The following TAOK3 variants were observed in gnomAD, a reference collection of about 807,000 sequenced individuals.
The protein encoded by TAOK3 is serine/threonine-protein kinase TAO3.
TAOK3 carries 40 observed loss-of-function variants against 120.4 expected under a neutral mutation model. The ratio of observed to expected loss-of-function variants is 0.33; its 90% CI spans 0.26 to 0.43. The LOEUF is 0.43. Ranked by LOEUF, TAOK3 falls within the 20% of genes least tolerant of loss-of-function variation. The probability of loss-of-function intolerance (pLI) is 1.00; values close to 1 mark genes in which losing one functional copy is unlikely to be tolerated. For synonymous variants in TAOK3, 355 were observed against 387.5 expected (o/e 0.92, Z 0.99); for missense variants, 821 against 1,112.1 (o/e 0.74, Z 3.72).
chr12:118,342,633 A>G (rs1339594629), intron 1 of TAOK3, among the ~76,000 whole-genome samples: 1 of 152,180 alleles, frequency 6.6e-6, no homozygotes, highest in Non-Finnish European at 1.5e-5. Flanking sequence ...TTGAAACCCC[A>G]GTTAGAAATT....
At chr12:118,172,358 G>T (rs1010227920) in intron 17 of TAOK3, 99 bp downstream of exon 17, 1 of 1,308,794 alleles carries the variant, frequency 7.6e-7, no homozygotes, top group Non-Finnish European at 1.1e-6. Flanking sequence ...GGCTAGAAAG[G>T]CTAGGGATAT....
At chr12:118,186,269 G>A (rs2037070556) in intron 14 of TAOK3, among the ~76,000 whole-genome samples, 1 of 152,166 alleles carries the variant, frequency 6.6e-6, no homozygotes, top group Admixed American at 6.5e-5. Flanking sequence ...ATTCGCCTCT[G>A]TAATGCAGTC....
chr12:118,371,385 C>A lies in TAOK3; in HGVS notation c.-194+1263G>T, dbSNP rs2045886452. On this transcript the variant is annotated intron_variant, in intron 1 of 20. Transcript: ENST00000392533. This position sits in a 1 kb window ranked among gnomAD's most constrained non-coding sequence, Gnocchi z 5.5. ...CTCTAAGGAACGAATGCGAAGCCAG[C>A]GGGCCAGTGAGAAGAGGTCAGGCCG... Among the ~76,000 whole-genome samples the A allele has an allele frequency of 1.3e-5, 2 of 152,104 alleles. No individual in the cohort carries two copies. The highest frequency in any genetic ancestry group is 1.3e-4 in the Admixed American group (2 of 15,276).
chr12:118,295,331 G>T (rs762377205), intron 1 of TAOK3: 4 of 152,120 alleles, frequency 2.6e-5, no homozygotes, highest in Non-Finnish European at 5.9e-5. Flanking sequence ...GAGCCACCGT[G>T]CCCGGCCTCT....
chr12:118,308,491 C>A (rs575415256), intron 1 of TAOK3, among the ~76,000 whole-genome samples: 5 of 152,178 alleles, frequency 3.3e-5, no homozygotes, highest in African/African-American at 1.2e-4. Context: ...CCCAGTAAGG[C>A]AGGAAAATCA....
At chr12:118,159,597 G>A (rs761001230) in intron 19 of TAOK3, among the ~76,000 whole-genome samples, 16 of 152,128 alleles carry the variant, frequency 1.1e-4, no homozygotes, top group African/African-American at 2.4e-4. Context: ...CACCGCGCCC[G>A]GCCCCACTTA....
chr12:118,213,277 A>C (rs2038720558), intron 10 of TAOK3, among the ~76,000 whole-genome samples: 2 of 152,174 alleles, frequency 1.3e-5, no homozygotes, highest in South Asian at 4.1e-4. Context: ...ACTATGTTTA[A>C]ATAAAAGTTT....
intron 9 of TAOK3, among the ~76,000 whole-genome samples, chr12:118,225,978 G>T (rs772143022): frequency 1.3e-5 from 2 of 152,312 alleles, no homozygotes; most frequent in Admixed American, 6.5e-5. Context: ...GATGGCTTGC[G>T]CCTATAATCC....
Position 118,181,404 on chromosome 12 carries a change from C to G in TAOK3, c.1533G>C (p.Leu511=). 1 of 1,614,096 alleles carries G rather than the reference C, an allele frequency of 6.2e-7. No homozygotes were observed. The highest frequency in any genetic ancestry group is 8.5e-7 in the Non-Finnish European group (1 of 1,179,976). The part of the protein sequence containing the change: ...ANNSSIELEK[L]AKKQVAIIEK... ...CTATGATAGCCACTTGCTTCTTGGC[C>G]AGCTTCTCCAGCTCGATGGACGAGT... Residue 511 remains leucine, a synonymous_variant, in exon 15 of 21, where the codon CTG becomes CTC. Coordinates refer to ENST00000392533, the MANE Select transcript of TAOK3 (RefSeq NM_016281.4).
chr12:118,369,464 T>A lies in TAOK3; in HGVS notation c.-194+3184A>T, dbSNP rs576618765. 1.1e-4 allele frequency among the ~76,000 whole-genome samples: 17 copies of A among 152,296 alleles called. No individual in the cohort carries two copies. The East Asian group carries it at 3.3e-3, about 29-fold the overall frequency. On this transcript the variant is annotated intron_variant, in intron 1 of 20. Transcript: ENST00000392533. Reference sequence around the variant, plus strand: ...GCTTTAGTAATCACTTAGGGGAGTATCAGAGCACTTTCTTTTCTTACAAGG... The same window carrying A: ...GCTTTAGTAATCACTTAGGGGAGTAACAGAGCACTTTCTTTTCTTACAAGG...
intron 1 of TAOK3, among the ~76,000 whole-genome samples, chr12:118,351,585 C>T (rs1593661431): frequency 6.6e-6 from 1 of 152,160 alleles, no homozygotes. Flanking sequence ...GTCCTATAAG[C>T]TTCTTGGCAT....
At chr12:118,265,601 T>C (rs906805225) in intron 2 of TAOK3, among the ~76,000 whole-genome samples, 29 of 152,002 alleles carry the variant, frequency 1.9e-4, no homozygotes, top group African/African-American at 5.8e-4. Context: ...ACCCACCAAA[T>C]TGGCAAATAA....
chr12:118,150,915 G>T lies in TAOK3; in HGVS notation c.*82C>A. The T allele has an allele frequency of 7.4e-7, 1 of 1,349,680 alleles. No homozygotes were observed. The highest frequency in any genetic ancestry group is 1.0e-6 in the Non-Finnish European group (1 of 994,324). The allele number at this position is 1,349,680 out of a possible 1,614,324, so 83.6% of individuals were successfully genotyped here. On this transcript the variant is annotated 3_prime_UTR_variant, in exon 21 of 21. Transcript: ENST00000392533. ...GAGTGAGAGCAACGCCCGTTAAAAT[G>T]GGGAATGTGGTTTTGCAGGGTCTGA...
intron 2 of TAOK3, among the ~76,000 whole-genome samples, chr12:118,258,266 T>A (rs1468506664): frequency 6.6e-6 from 1 of 152,086 alleles, no homozygotes; most frequent in African/African-American, 2.4e-5. Flanking sequence ...GGAAAAAGGA[T>A]CCCTCCGCCA....
At chr12:118,242,212 T>C (rs1305618227) in intron 5 of TAOK3, among the ~76,000 whole-genome samples, 2 of 152,338 alleles carry the variant, frequency 1.3e-5, no homozygotes, top group East Asian at 3.9e-4. Context: ...TTGAAATCCC[T>C]TTCTTGACTC....
intron 9 of TAOK3, among the ~76,000 whole-genome samples, chr12:118,222,540 A>G (rs940086118): frequency 6.6e-6 from 1 of 152,004 alleles, no homozygotes; most frequent in Non-Finnish European, 1.5e-5. Context: ...TCGAAAAAAA[A>G]AAAAGAAAGA....
intron 1 of TAOK3, among the ~76,000 whole-genome samples, chr12:118,289,134 C>G (rs1389783979): frequency 6.0e-5 from 9 of 151,210 alleles, no homozygotes; most frequent in African/African-American, 2.2e-4. Flanking sequence ...AACCCTGTCT[C>G]TACTAAAAAT....
At chr12:118,155,855 G>C (rs374373890) in intron 19 of TAOK3, among the ~76,000 whole-genome samples, 1 of 151,990 alleles carries the variant, frequency 6.6e-6, no homozygotes, top group African/African-American at 2.4e-5. Flanking sequence ...TCCTGCTTCA[G>C]CCTCCCAAGT....
intron 1 of TAOK3, among the ~76,000 whole-genome samples, chr12:118,294,068 T>C (rs544271556): frequency 3.2e-4 from 48 of 152,200 alleles, no homozygotes; most frequent in African/African-American, 8.9e-4. Flanking sequence ...ATGAACCAAG[T>C]AGACAGCAGT....
Sources: allele counts gnomAD v4.1 joint callset (sites outside exome capture counted in the v4.1 genomes callset), GRCh38; gene constraint gnomAD v4.1.1; non-coding constraint Gnocchi (gnomAD v3.1); transcripts MANE v1.5; gene names NCBI Gene and HGNC (gene_info 2026-07-23, HGNC 2026-07-21).